ANKRD46: variants seen among roughly 807,000 people sequenced by gnomAD.
ANKRD46 encodes ankyrin repeat domain-containing protein 46.
In ANKRD46, 13 loss-of-function variants were observed where a neutral mutation model predicts 19.8. That is an observed-to-expected ratio of 0.66 (90% CI 0.43 to 1.04). The LOEUF (loss-of-function observed/expected upper bound fraction) is 1.04. Among genes scored for constraint, ANKRD46 ranks in the 50% least tolerant of loss-of-function variants. ANKRD46 has a pLI of 0.00. For missense variants in ANKRD46, 185 were observed against 274.8 expected (o/e 0.67, Z 2.31); for synonymous variants, 91 against 106.9 (o/e 0.85, Z 0.92).
At position 100,511,388 on chromosome 8, in the gene ANKRD46, CTTGT is replaced by C. The variant is rs149731771; in HGVS notation, c.637-753_637-750del. 0.057 allele frequency among the ~76,000 whole-genome samples: 8,680 copies of C among 151,926 alleles called. 322 individuals carry two copies. The highest frequency in any genetic ancestry group is 0.074 in the Non-Finnish European group (4,999 of 67,980). On this transcript the variant is annotated intron_variant, in intron 5 of 5. Transcript: ENST00000520552. This position sits in a 1 kb window ranked among gnomAD's most constrained non-coding sequence, Gnocchi z 4.1. ...AGTGGGTGTTTATGACAAGGAGTGT[CTTGT>C]TTATTTTCTTATGTATCTGGTAAAT...
In ANKRD46 at chr8:100,529,031, G is replaced by C. The variant is rs140920763; in HGVS notation, c.311+492C>G. Among the ~76,000 whole-genome samples the C allele has an allele frequency of 3.3e-5, 5 of 152,228 alleles. No homozygotes were observed. Among genetic ancestry groups the C allele is most frequent in the Admixed American group, 2.6e-4 (4 of 15,278 alleles). On this transcript the variant is annotated intron_variant, in intron 3 of 4. Coordinates refer to ENST00000335659, the MANE Select transcript of ANKRD46 (RefSeq NM_001270377.2). This position sits in a 1 kb window ranked among gnomAD's most constrained non-coding sequence, Gnocchi z 5.8. ...GTTACATGACAGAAGGCACACAAGC[G>C]TTAGAGTCAGCGGAACTAGGTTCAA...
Position 100,525,919 on chromosome 8 carries a change from A to G in ANKRD46, c.470+1926T>C, listed in dbSNP as rs1035979348. Reference sequence around the variant, plus strand: ...GCACTTGTTATTATCTATCTTTTTAATTGCAGCTATCCTAGTGGGTGTGAA... The same window carrying G: ...GCACTTGTTATTATCTATCTTTTTAGTTGCAGCTATCCTAGTGGGTGTGAA... On this transcript the variant is annotated intron_variant, in intron 4 of 4. Transcript: ENST00000335659. This position sits in a 1 kb window ranked among gnomAD's most constrained non-coding sequence, Gnocchi z 4.4. Among the ~76,000 whole-genome samples, 1 of 152,076 alleles carries G rather than the reference A, an allele frequency of 6.6e-6. No homozygotes were observed. Among genetic ancestry groups the G allele is most frequent in the Non-Finnish European group, 1.5e-5 (1 of 68,002 alleles).
At chr8:100,513,399 A>G (rs1811579669) in intron 5 of ANKRD46, among the ~76,000 whole-genome samples, 1 of 152,258 alleles carries the variant, frequency 6.6e-6, no homozygotes, top group African/African-American at 2.4e-5. Context: ...AGGGCCTGGT[A>G]CACATGCAGT....
chr8:100,540,194 G>GT (rs1491463832), intron 1 of ANKRD46, among the ~76,000 whole-genome samples: 1 of 109,076 alleles, frequency 9.2e-6, no homozygotes, highest in Non-Finnish European at 2.2e-5. Context: ...CATTTCATGA[G>GT]TAAAAAAAAA....
chr8:100,513,353 T>C (rs551587628), intron 5 of ANKRD46, among the ~76,000 whole-genome samples: 1 of 152,346 alleles, frequency 6.6e-6, no homozygotes, highest in South Asian at 2.1e-4. Flanking sequence ...TAAGCCTCAC[T>C]TTCTTTATGG....
chr8:100,516,625 C>T (rs1586775380), downstream of ANKRD46, among the ~76,000 whole-genome samples: 1 of 152,118 alleles, frequency 6.6e-6, no homozygotes, highest in African/African-American at 2.4e-5. Context: ...ATCATAATGA[C>T]GTACATTACA....
intron 1 of ANKRD46, among the ~76,000 whole-genome samples, chr8:100,539,247 A>T (rs1211789107): frequency 6.6e-6 from 1 of 152,248 alleles, no homozygotes; most frequent in East Asian, 1.9e-4. Flanking sequence ...CTCACTGATC[A>T]TATGGCTAGG....
chr8:100,524,950 T>C lies in ANKRD46; in HGVS notation c.471-2179A>G, dbSNP rs1248404485. ...TCTTTGGGGGGTGTGTTTGCATGTA[T>C]CTTTTTTAAAAAATGTGATAGCTAT... is the stretch of plus-strand genomic sequence containing the variant. On this transcript the variant is annotated intron_variant, in intron 4 of 4. Coordinates refer to ENST00000335659, the MANE Select transcript of ANKRD46 (RefSeq NM_001270377.2). This position sits in a 1 kb window ranked among gnomAD's most constrained non-coding sequence, Gnocchi z 4.3. 6.6e-6 allele frequency among the ~76,000 whole-genome samples: 1 copy of C among 152,208 alleles called. No individual in the cohort carries two copies. The highest frequency in any genetic ancestry group is 1.5e-5 in the Non-Finnish European group (1 of 68,016).
At chr8:100,519,924 A>G (rs547811148), downstream of ANKRD46, among the ~76,000 whole-genome samples, 23 of 152,374 alleles carry the variant, frequency 1.5e-4, no homozygotes, top group East Asian at 3.9e-4. Context: ...AAGCAATGCT[A>G]TAAGTATTTG....
At position 100,527,770 on chromosome 8, in the gene ANKRD46, C is replaced by A; in HGVS notation, c.470+75G>T. The A allele has an allele frequency of 6.8e-7, 1 of 1,474,416 alleles. No homozygotes were observed. Among genetic ancestry groups the A allele is most frequent in the Non-Finnish European group, 9.1e-7 (1 of 1,101,584 alleles). 91.3% of individuals were successfully genotyped at this position (1,474,416 alleles called of 1,614,324 possible). On this transcript the variant is annotated intron_variant, in intron 4 of 4. Transcript: ENST00000335659. This position sits in a 1 kb window ranked among gnomAD's most constrained non-coding sequence, Gnocchi z 4.0. ...GTCCCAGCTAGTCAGGAGGCTGAGG[C>A]AGGAAGAATGCTTGAGCCCAGGAGT...
chr8:100,516,376 T>C (rs899611837), downstream of ANKRD46, among the ~76,000 whole-genome samples: 7 of 152,204 alleles, frequency 4.6e-5, no homozygotes, highest in African/African-American at 1.7e-4. Context: ...ATTTTGAATA[T>C]GAGGCAACAA....
Position 100,529,518 on chromosome 8 carries a change from C to T in ANKRD46, c.311+5G>A, listed in dbSNP as rs201548782. On this transcript the variant is annotated splice_donor_5th_base_variant and intron_variant, in intron 3 of 4. Coordinates refer to ENST00000335659, the MANE Select transcript of ANKRD46 (RefSeq NM_001270377.2). The surrounding 1 kb of genome is among the most constrained non-coding windows in gnomAD (Gnocchi z 5.8). ...ACTAGACTTCTAAAACAACAGAGAA[C>T]TTACCAAATATCAATTTTGAGTCCA... 150 of 1,607,542 alleles carry T rather than the reference C, an allele frequency of 9.3e-5. No homozygotes were observed. In the African/African-American group the frequency reaches 1.8e-3, roughly 20 times the overall value.
chr8:100,517,630 C>T (rs1309679359), downstream of ANKRD46, among the ~76,000 whole-genome samples: 1 of 152,194 alleles, frequency 6.6e-6, no homozygotes, highest in Non-Finnish European at 1.5e-5. Flanking sequence ...AGTGGCTGAA[C>T]AGAATGCCAG....
chr8:100,543,906 A>G lies in ANKRD46; in HGVS notation c.-130-10595T>C, dbSNP rs139197448. Among the ~76,000 whole-genome samples, 52 of 152,054 alleles carry G rather than the reference A, an allele frequency of 3.4e-4. No homozygotes were observed. The highest frequency in any genetic ancestry group is 1.1e-3 in the African/African-American group (46 of 41,390). ...TTTCATACCATGTCTCTCTGGCCCAAATTTTTCTTTTTAATTATATTTTAT... is the reference window on the plus strand; with the variant it reads ...TTTCATACCATGTCTCTCTGGCCCAGATTTTTCTTTTTAATTATATTTTAT... On this transcript the variant is annotated intron_variant, in intron 1 of 4. Transcript: ENST00000335659. The surrounding 1 kb of genome is among the most constrained non-coding windows in gnomAD (Gnocchi z 4.2).
chr8:100,510,988 T>C lies in ANKRD46; in HGVS notation c.637-349A>G, dbSNP rs1350143762. Among the ~76,000 whole-genome samples, 2 of 152,122 alleles carry C rather than the reference T, an allele frequency of 1.3e-5. No individual in the cohort carries two copies. The highest frequency in any genetic ancestry group is 1.3e-4 in the Admixed American group (2 of 15,278). On this transcript the variant is annotated intron_variant, in intron 5 of 5. Coordinates refer to the ANKRD46 transcript ENST00000520552. The surrounding 1 kb of genome is among the most constrained non-coding windows in gnomAD (Gnocchi z 4.9). The stretch of plus-strand genomic sequence containing the variant: ...CTGACCAATTACACAAGAATAGAGG[T>C]TGACCTGTCTTTCAGCAAATAAATG...
In ANKRD46 at chr8:100,522,130, T is replaced by C. The variant is rs1177467925; in HGVS notation, c.*425A>G. The C allele has an allele frequency of 2.0e-6, 2 of 990,682 alleles. No homozygotes were observed. The highest frequency in any genetic ancestry group is 2.4e-6 in the Non-Finnish European group (2 of 832,908). The allele number at this position is 990,682 out of a possible 1,614,324, so 61.4% of individuals were successfully genotyped here. ...AGAGAAAGTAAATAAAAAGTGGCTC[T>C]TGCAAAAATAAATGAAAACAAAACC... On this transcript the variant is annotated 3_prime_UTR_variant, in exon 5 of 5. Coordinates refer to ENST00000335659, the MANE Select transcript of ANKRD46 (RefSeq NM_001270377.2).
Position 100,529,711 on chromosome 8 carries a change from A to G in ANKRD46, c.123T>C (p.Arg41=), listed in dbSNP as rs200565074. 2 of 1,614,268 alleles carry G rather than the reference A, an allele frequency of 1.2e-6. No individual in the cohort carries two copies. Among genetic ancestry groups the G allele is most frequent in the Admixed American group, 3.3e-5 (2 of 60,034 alleles). The change falls in exon 3 of 5, where the codon CGT becomes CGC. Residue 41 remains arginine (R), a synonymous_variant. Transcript: ENST00000335659. The surrounding 1 kb of genome is among the most constrained non-coding windows in gnomAD (Gnocchi z 5.8). ...GAAGGCCTGTTCTGCCCCTGCTGTC[A>G]CGAATATTTGGGTCAAAGCCACTTT... ...LLESGFDPNI[R]DSRGRTGLHL... is the part of the protein sequence containing the mutation.
At position 100,528,004 on chromosome 8, in the gene ANKRD46, C is replaced by T; in HGVS notation, c.312-1G>A. The T allele has an allele frequency of 4.8e-6, 5 of 1,041,874 alleles. No homozygotes were observed. The highest frequency in any genetic ancestry group is 4.8e-5 in the Admixed American group (1 of 20,924). 64.5% of individuals were successfully genotyped at this position (1,041,874 alleles called of 1,614,324 possible). On this transcript the variant is annotated splice_acceptor_variant, in intron 3 of 4. Transcript: ENST00000335659. LOFTEE classifies it high-confidence loss of function. ...TAAAGGGGTAGCACCTTGATGATTGCTAAAAAAAAAAAAAAAAAAAAAAGT... is the reference window on the plus strand; with the variant it reads ...TAAAGGGGTAGCACCTTGATGATTGTTAAAAAAAAAAAAAAAAAAAAAAGT...
chr8:100,526,786 G>T (rs905112353), intron 4 of ANKRD46, among the ~76,000 whole-genome samples: 1 of 152,196 alleles, frequency 6.6e-6, no homozygotes, highest in Non-Finnish European at 1.5e-5. Context: ...GGTAAGCTAT[G>T]AAAAACAGAG....
Sources: allele counts gnomAD v4.1 joint callset (sites outside exome capture counted in the v4.1 genomes callset), GRCh38; gene constraint gnomAD v4.1.1; non-coding constraint Gnocchi (gnomAD v3.1); transcripts MANE v1.5; gene names NCBI Gene and HGNC (gene_info 2026-07-23, HGNC 2026-07-21).